KHDRBS2: variants seen among roughly 807,000 people sequenced by gnomAD.
KHDRBS2 encodes KH RNA binding domain containing, signal transduction associated 2, also known as KH domain-containing, RNA-binding, signal transduction-associated protein 2.
KHDRBS2 carries 26 observed loss-of-function variants against 44.3 expected under a neutral mutation model. That is an observed-to-expected ratio of 0.59 (90% CI 0.43 to 0.81). The LOEUF (loss-of-function observed/expected upper bound fraction) is 0.81. Among genes scored for constraint, KHDRBS2 ranks in the 40% least tolerant of loss-of-function variants. The pLI, the probability that KHDRBS2 is intolerant of heterozygous loss-of-function variation, is 0.00. For synonymous variants in KHDRBS2, 194 were observed against 151.1 expected (o/e 1.28, Z -2.08); for missense variants, 476 against 433.1 (o/e 1.10, Z -0.88).
chr6:61,898,918 A>G (rs1366869418), intron 5 of KHDRBS2, among the ~76,000 whole-genome samples: 1 of 152,006 alleles, frequency 6.6e-6, no homozygotes, highest in Non-Finnish European at 1.5e-5. Context: ...ATTGAAAATT[A>G]TTGGGTAATT....
chr6:61,901,439 AAAAG>A lies in KHDRBS2; in HGVS notation c.484-72_484-69del, dbSNP rs1260822698. 9.5e-5 allele frequency: 121 copies of A among 1,272,726 alleles called. 2 individuals are homozygous for A. The African/African-American group carries it at 1.7e-3, about 18-fold the overall frequency. The allele number at this position is 1,272,726 out of a possible 1,614,324, so 78.8% of individuals were successfully genotyped here. On this transcript the variant is annotated intron_variant, in intron 4 of 8. Transcript: ENST00000281156. ...CCGTTCTCAGAGTTGGAAAAAAAAA[AAAAG>A]AAACAAAACAAAACGCAATAGGAAA...
chr6:62,034,509 T>C (rs1784904323), intron 3 of KHDRBS2, among the ~76,000 whole-genome samples: 1 of 151,854 alleles, frequency 6.6e-6, no homozygotes, highest in Admixed American at 6.6e-5. Context: ...TCAATCAACA[T>C]GATACATCAG....
intron 1 of KHDRBS2, among the ~76,000 whole-genome samples, chr6:62,202,605 T>C (rs1827222969): frequency 6.6e-6 from 1 of 152,104 alleles, no homozygotes; most frequent in South Asian, 2.1e-4. Context: ...TTATGTGGTA[T>C]TCATCCTAGA....
chr6:62,213,530 G>T (rs950922141), intron 1 of KHDRBS2, among the ~76,000 whole-genome samples: 4 of 152,110 alleles, frequency 2.6e-5, no homozygotes, highest in African/African-American at 9.7e-5. Context: ...AACCTTGATA[G>T]AAAATACTTA....
chr6:62,167,742 G>A (rs1033018782), intron 2 of KHDRBS2, among the ~76,000 whole-genome samples: 4 of 152,082 alleles, frequency 2.6e-5, no homozygotes, highest in African/African-American at 9.7e-5. Flanking sequence ...GATAAAACAG[G>A]TTTAAGCTGT....
At chr6:61,677,968 T>C (rs959048327), downstream of KHDRBS2, among the ~76,000 whole-genome samples, 1 of 151,908 alleles carries the variant, frequency 6.6e-6, no homozygotes, top group African/African-American at 2.4e-5. Context: ...CCAGGCTCTC[T>C]CATAGCTCTC....
the KHDRBS2 span, among the ~76,000 whole-genome samples, chr6:61,571,273 C>T: frequency 1.3e-5 from 2 of 151,982 alleles, no homozygotes; most frequent in Non-Finnish European, 2.9e-5. Flanking sequence ...AGTAGCTATT[C>T]TTATATCACA....
intron 7 of KHDRBS2, among the ~76,000 whole-genome samples, chr6:61,708,849 G>T (rs1008458645): frequency 1.8e-4 from 27 of 151,770 alleles, no homozygotes; most frequent in African/African-American, 6.0e-4. Context: ...ATAGTCTCAT[G>T]ATGGAGAATA....
intron 1 of KHDRBS2, among the ~76,000 whole-genome samples, chr6:62,278,586 T>G (rs1841340273): frequency 6.6e-6 from 1 of 152,146 alleles, no homozygotes; most frequent in South Asian, 2.1e-4. Flanking sequence ...AAAGAAAATT[T>G]CATAAAAATA....
intron 4 of KHDRBS2, among the ~76,000 whole-genome samples, chr6:61,936,989 T>A (rs1335584409): frequency 3.3e-5 from 5 of 152,010 alleles, no homozygotes; most frequent in African/African-American, 9.7e-5. Context: ...GTTTTGAAAT[T>A]TTTTTATAAA....
downstream of KHDRBS2, among the ~76,000 whole-genome samples, chr6:61,676,740 C>T (rs1193347690): frequency 6.6e-6 from 1 of 151,810 alleles, no homozygotes; most frequent in East Asian, 2.0e-4. Context: ...CCAGACTCCC[C>T]TTTAGTCAGA....
At chr6:61,572,298 T>C in the KHDRBS2 span, among the ~76,000 whole-genome samples, 4 of 151,932 alleles carry the variant, frequency 2.6e-5, no homozygotes, top group Non-Finnish European at 5.9e-5. Context: ...AACAAACATA[T>C]AACAAGTAGC....
rs1297835688 is a variant in KHDRBS2 at position 61,697,195 on chromosome 6, C to T, written c.952G>A (p.Ala318Thr). ...AGTTTTAGTAAAGAAAAGGTCTTAC[C>T]GTAGCTGTCATAGGCATCCTCACTT... ...GVSEDAYDSYAPEEWATTRSS... is the reference protein window; with the variant it reads ...GVSEDAYDSYTPEEWATTRSS... Residue 318 changes from alanine to threonine, a missense_variant and splice_region_variant, in exon 8 of 9, where the codon GCA (alanine) becomes ACA (threonine). Coordinates refer to ENST00000281156, the MANE Select transcript of KHDRBS2 (RefSeq NM_152688.4). 3.1e-6 allele frequency: 5 copies of T among 1,599,220 alleles called. No homozygotes were observed. Among genetic ancestry groups the T allele is most frequent in the East Asian group, 2.2e-5 (1 of 44,722 alleles).
At chr6:61,560,504 A>G in the KHDRBS2 span, among the ~76,000 whole-genome samples, 1 of 145,704 alleles carries the variant, frequency 6.9e-6, no homozygotes, top group Non-Finnish European at 1.5e-5. Context: ...TCATTTTTTT[A>G]ACTTTCATTT....
intron 2 of KHDRBS2, among the ~76,000 whole-genome samples, chr6:62,107,731 G>T (rs1328561385): frequency 6.6e-6 from 1 of 152,076 alleles, no homozygotes; most frequent in East Asian, 1.9e-4. Context: ...GCATGGTACT[G>T]GTACCAAAAC....
chr6:62,170,522 G>A lies in KHDRBS2; in HGVS notation c.219+6663C>T, dbSNP rs948679560. Among the ~76,000 whole-genome samples the A allele has an allele frequency of 5.3e-5, 8 of 152,070 alleles. No individual in the cohort carries two copies. The East Asian group carries it at 5.8e-4, about 11-fold the overall frequency. ...CACGCAGGACAGTAAGAGCCTATCC[G>A]CTGGCTAACACTCTTAAGTGCCACC... On this transcript the variant is annotated intron_variant, in intron 2 of 8. Coordinates refer to ENST00000281156, the MANE Select transcript of KHDRBS2 (RefSeq NM_152688.4).
chr6:62,030,263 G>GT (rs1419572176), intron 3 of KHDRBS2, among the ~76,000 whole-genome samples: 1 of 152,030 alleles, frequency 6.6e-6, no homozygotes, highest in Non-Finnish European at 1.5e-5. Flanking sequence ...TCTTTGGTGA[G>GT]TACTCCCTTA....
chr6:61,649,305 T>C, the KHDRBS2 span, among the ~76,000 whole-genome samples: 41 of 152,324 alleles, frequency 2.7e-4, no homozygotes, highest in African/African-American at 9.1e-4. Flanking sequence ...GGTGAAGTTT[T>C]GTGGGATATG....
chr6:61,847,255 A>C (rs1234061983), intron 6 of KHDRBS2, among the ~76,000 whole-genome samples: 1 of 152,154 alleles, frequency 6.6e-6, no homozygotes, highest in East Asian at 1.9e-4. Context: ...ATTTTCTCAG[A>C]GACTTTACTT....
Sources: allele counts gnomAD v4.1 joint callset (sites outside exome capture counted in the v4.1 genomes callset), GRCh38; gene constraint gnomAD v4.1.1; transcripts MANE v1.5; gene names NCBI Gene and HGNC (gene_info 2026-07-23, HGNC 2026-07-21).